The following CRTC3 variants were observed in gnomAD, a reference collection of about 807,000 sequenced individuals.
CRTC3 encodes the protein CREB regulated transcription coactivator 3.
In CRTC3, 26 loss-of-function variants were observed where a neutral mutation model predicts 74.5. That is an observed-to-expected ratio of 0.35 (90% CI 0.26 to 0.48). The LOEUF (loss-of-function observed/expected upper bound fraction) is 0.48. Among genes scored for constraint, CRTC3 ranks in the 20% least tolerant of loss-of-function variants. The pLI is 0.99. For synonymous variants in CRTC3, 377 were observed against 325.8 expected (o/e 1.16, Z -1.69); for missense variants, 760 against 787.3 (o/e 0.97, Z 0.41).
At chr15:90,563,072 G>A (rs1413703022) in intron 2 of CRTC3, among the ~76,000 whole-genome samples, 1 of 152,104 alleles carries the variant, frequency 6.6e-6, no homozygotes, top group African/African-American at 2.4e-5. Context: ...GAGAAGTTTT[G>A]GGGGTTCATT....
Position 90,642,006 on chromosome 15 carries a change from G to A in CRTC3, c.1726G>A (p.Asp576Asn), listed in dbSNP as rs770663037. 6.2e-7 allele frequency: 1 copy of A among 1,613,796 alleles called. No individual in the cohort carries two copies. Among genetic ancestry groups the A allele is most frequent in the African/African-American group, 1.3e-5 (1 of 74,928 alleles). The change falls in exon 15 of 15, where the codon GAC (aspartate) becomes AAC (asparagine). Residue 576 changes from aspartate to asparagine, a missense_variant. Transcript: ENST00000268184. Reference protein sequence around the residue: ...AGLPEVSLNVDTPFPLEEELQ... With the variant: ...AGLPEVSLNVNTPFPLEEELQ... Reference sequence around the variant, plus strand: ...CCTGCCTGAGGTCAGCCTGAACGTGGACACTCCATTTCCACTGGAAGAGGA... The same window carrying A: ...CCTGCCTGAGGTCAGCCTGAACGTGAACACTCCATTTCCACTGGAAGAGGA...
At position 90,593,832 on chromosome 15, in the gene CRTC3, A is replaced by G. The variant is rs1967856125; in HGVS notation, c.351+77A>G. ...GTTTTCAGGATTTATCTTCCCTGCA[A>G]TTCTCCTTTGGCCTCAGAATCTTCA... On this transcript the variant is annotated intron_variant, in intron 3 of 14. Coordinates refer to ENST00000268184, the MANE Select transcript of CRTC3 (RefSeq NM_022769.5). The G allele has an allele frequency of 4.1e-6, 6 of 1,469,172 alleles. No homozygotes were observed. In the African/African-American group the frequency reaches 5.6e-5, roughly 14 times the overall value. The allele number at this position is 1,469,172 out of a possible 1,614,324, so 91.0% of individuals were successfully genotyped here.
At chr15:90,567,184 G>C (rs1178610930) in intron 2 of CRTC3, among the ~76,000 whole-genome samples, 1 of 151,950 alleles carries the variant, frequency 6.6e-6, no homozygotes, top group Non-Finnish European at 1.5e-5. Flanking sequence ...AAAATCCTAG[G>C]GCCCTTAAGA....
intron 2 of CRTC3, among the ~76,000 whole-genome samples, chr15:90,563,386 A>G (rs1596085308): frequency 6.6e-6 from 1 of 152,186 alleles, no homozygotes; most frequent in East Asian, 1.9e-4. Flanking sequence ...AGCCTGGGCA[A>G]CAGAGTGAGA....
At chr15:90,618,403 C>T (rs1968551353) in intron 8 of CRTC3, among the ~76,000 whole-genome samples, 1 of 152,216 alleles carries the variant, frequency 6.6e-6, no homozygotes. Context: ...CTGAGTCCTC[C>T]AAGAGTCAGT....
chr15:90,547,655 C>A (rs7168378), intron 2 of CRTC3, among the ~76,000 whole-genome samples: 19,416 of 152,002 alleles, frequency 0.13, 1,643 homozygotes, highest in African/African-American at 0.25. Flanking sequence ...TGTCTCTAGG[C>A]AGGGCCTGGC....
At chr15:90,609,774 G>A (rs1968315330) in intron 6 of CRTC3, among the ~76,000 whole-genome samples, 1 of 152,248 alleles carries the variant, frequency 6.6e-6, no homozygotes, top group African/African-American at 2.4e-5. Flanking sequence ...GCAAAGGAAT[G>A]TAAACATTGG....
At chr15:90,618,206 T>TA (rs11372294) in intron 8 of CRTC3, 42,665 of 161,502 alleles carry the variant, frequency 0.26, 5,365 homozygotes, top group African/African-American at 0.36. Flanking sequence ...TTGACTTATT[T>TA]AAAAAAAAAA....
chr15:90,635,141 A>C, intron 11 of CRTC3: 1 of 595,560 alleles, frequency 1.7e-6, no homozygotes, highest in Non-Finnish European at 3.0e-6. Flanking sequence ...TAAACTAATG[A>C]TAACTAATGA....
chr15:90,592,681 A>T (rs981595240), intron 2 of CRTC3, among the ~76,000 whole-genome samples: 2 of 152,218 alleles, frequency 1.3e-5, no homozygotes, highest in African/African-American at 4.8e-5. Flanking sequence ...GTATTTACAT[A>T]GCATTCCTTT....
intron 11 of CRTC3, chr15:90,634,935 G>A: frequency 1.9e-6 from 3 of 1,575,452 alleles, no homozygotes; most frequent in Non-Finnish European, 2.6e-6. Context: ...TGGAGATAAA[G>A]TTCTTCTCCC....
chr15:90,614,754 T>A (rs1968445309), intron 7 of CRTC3, among the ~76,000 whole-genome samples: 1 of 152,134 alleles, frequency 6.6e-6, no homozygotes, highest in Non-Finnish European at 1.5e-5. Flanking sequence ...AACCAAAAAT[T>A]GTAATCACAT....
rs895195162 is a variant in CRTC3, at chr15:90,625,765, T to A, written c.750-11T>A. On this transcript the variant is annotated splice_polypyrimidine_tract_variant and intron_variant, in intron 9 of 14. Coordinates refer to ENST00000268184, the MANE Select transcript of CRTC3 (RefSeq NM_022769.5). ...ATTGTAGAAAGTCATTCTTAATCTT[T>A]CTTTTTTCAGTGCTTTTCCACATAA... is the stretch of plus-strand genomic sequence containing the variant. The A allele has an allele frequency of 6.2e-7, 1 of 1,610,562 alleles. No homozygotes were observed. The highest frequency in any genetic ancestry group is 1.3e-5 in the African/African-American group (1 of 74,984).
intron 2 of CRTC3, among the ~76,000 whole-genome samples, chr15:90,577,290 TC>T (rs1967429360): frequency 6.6e-6 from 1 of 152,194 alleles, no homozygotes; most frequent in Non-Finnish European, 1.5e-5. Flanking sequence ...CAGTCTGTGA[TC>T]CTGTTCTTTG....
chr15:90,595,306 C>A (rs1285391912), intron 3 of CRTC3: 1 of 152,138 alleles, frequency 6.6e-6, no homozygotes, highest in Non-Finnish European at 1.5e-5. Flanking sequence ...GGCATGGTGG[C>A]TCACGCCTGT....
intron 3 of CRTC3, chr15:90,597,793 C>T (rs1216674309): frequency 1.3e-5 from 2 of 152,136 alleles, no homozygotes; most frequent in African/African-American, 2.4e-5. Flanking sequence ...TTCACAATAC[C>T]ACATGCAACC....
intron 2 of CRTC3, among the ~76,000 whole-genome samples, chr15:90,570,931 G>A (rs1003382541): frequency 1.3e-5 from 2 of 152,108 alleles, no homozygotes; most frequent in African/African-American, 4.8e-5. Flanking sequence ...GGCACAGCTT[G>A]GGGGAATACA....
chr15:90,551,928 ACG>A (rs1196515357), intron 2 of CRTC3, among the ~76,000 whole-genome samples: 3 of 9,090 alleles, frequency 3.3e-4, no homozygotes, highest in African/African-American at 1.5e-3. Context: ...CATTACACAC[ACG>A]CACACACACA....
At chr15:90,552,496 T>G (rs1341670918) in intron 2 of CRTC3, among the ~76,000 whole-genome samples, 1 of 152,156 alleles carries the variant, frequency 6.6e-6, no homozygotes, top group Non-Finnish European at 1.5e-5. Context: ...CATCTAGTTC[T>G]TTTGTCTCCT....
Sources: gnomAD v4.1 joint callset for allele counts (sites outside exome capture counted in the v4.1 genomes callset) on GRCh38, gnomAD v4.1.1 for gene constraint, MANE v1.5 for transcripts, NCBI Gene and HGNC (gene_info 2026-07-23, HGNC 2026-07-21) for gene names.